SLC9B2: variants seen among roughly 807,000 people sequenced by gnomAD.
SLC9B2 encodes solute carrier family 9 member B2.
SLC9B2 carries 39 observed loss-of-function variants against 52.2 expected under a neutral mutation model. That is an observed-to-expected ratio of 0.75 (90% CI 0.58 to 0.98). The LOEUF (loss-of-function observed/expected upper bound fraction) is 0.98. Ranked by LOEUF, SLC9B2 falls within the 50% of genes least tolerant of loss-of-function variation. The probability of loss-of-function intolerance (pLI) is 0.00; values close to 1 mark genes in which losing one functional copy is unlikely to be tolerated. For missense variants in SLC9B2, 626 were observed against 637.5 expected (o/e 0.98, Z 0.19); for synonymous variants, 214 against 227.0 (o/e 0.94, Z 0.51).
intron 4 of SLC9B2, among the ~76,000 whole-genome samples, chr4:103,055,030 C>CATTTCCTTA (rs1230637022): frequency 6.6e-5 from 10 of 152,108 alleles, no homozygotes; most frequent in Non-Finnish European, 1.2e-4. Context: ...AAATGTGGCA[C>CATTTCCTTA]ATATACACCA....
At chr4:103,020,352 T>TG, downstream of SLC9B2, 1 of 450,872 alleles carries the variant, frequency 2.2e-6, no homozygotes, top group Non-Finnish European at 4.4e-6. Context: ...GCTTTGGCCT[T>TG]TCAGTCCCAA....
chr4:103,039,007 T>C (rs1743403423), intron 9 of SLC9B2, among the ~76,000 whole-genome samples: 1 of 152,234 alleles, frequency 6.6e-6, no homozygotes, highest in Admixed American at 6.5e-5. Flanking sequence ...AACAACAATA[T>C]TGCTACAGCC....
At chr4:103,059,064 C>T (rs1745404709) in intron 3 of SLC9B2, among the ~76,000 whole-genome samples, 1 of 148,222 alleles carries the variant, frequency 6.7e-6, no homozygotes, top group South Asian at 2.1e-4. Context: ...GATACCCTGC[C>T]AAAAAAAAAG....
chr4:103,058,356 GT>G (rs1423877999), intron 3 of SLC9B2, among the ~76,000 whole-genome samples: 1 of 151,936 alleles, frequency 6.6e-6, no homozygotes, highest in African/African-American at 2.4e-5. Flanking sequence ...ACCTACTAAG[GT>G]ACCTTTTTTG....
Position 103,050,325 on chromosome 4 carries a change from T to C in SLC9B2, c.500A>G (p.Gln167Arg), listed in dbSNP as rs116804485. 334 of 1,610,586 alleles carry C rather than the reference T, an allele frequency of 2.1e-4. 3 individuals are homozygous for C. The African/African-American group carries it at 3.4e-3, about 16-fold the overall frequency. ...AGAGGAAGACCACTTGTGCTTGATC[T>C]GCACATTATCGTTGATGACTGGGAT... The part of the protein sequence containing the change: ...RNIPVINDNV[Q>R]IKHKWSSSLR... Residue 167 changes from glutamine to arginine, a missense_variant, in exon 5 of 12, where the codon CAG becomes CGG. Coordinates refer to ENST00000394785, the MANE Select transcript of SLC9B2 (RefSeq NM_178833.7).
chr4:103,057,723 T>G, intron 4 of SLC9B2, 78 bp downstream of exon 4: 5 of 1,474,064 alleles, frequency 3.4e-6, no homozygotes, highest in Non-Finnish European at 4.6e-6. Context: ...TTTATTCCTT[T>G]ATTTCCCAAA....
At chr4:103,032,806 A>C (rs1742817518) in intron 9 of SLC9B2, among the ~76,000 whole-genome samples, 1 of 152,090 alleles carries the variant, frequency 6.6e-6, no homozygotes, top group Admixed American at 6.6e-5. Flanking sequence ...GCAAATTGGG[A>C]GGGTAGATTT....
intron 7 of SLC9B2, among the ~76,000 whole-genome samples, chr4:103,045,880 G>A (rs1357134358): frequency 6.6e-6 from 1 of 152,120 alleles, no homozygotes; most frequent in Non-Finnish European, 1.5e-5. Context: ...GTGATGGTAA[G>A]GCTGAGAACA....
chr4:103,026,704 A>G, intron 11 of SLC9B2, 113 bp from the exon 12 acceptor site: 2 of 946,520 alleles, frequency 2.1e-6, no homozygotes, highest in Non-Finnish European at 3.1e-6. Context: ...TCAACTAAGA[A>G]AGTTGTAAGC....
intron 4 of SLC9B2, among the ~76,000 whole-genome samples, chr4:103,051,051 G>A (rs1232139105): frequency 1.3e-5 from 2 of 152,170 alleles, no homozygotes; most frequent in Non-Finnish European, 2.9e-5. Flanking sequence ...ATGAAGGCAT[G>A]AGGGGGATGT....
chr4:103,027,901 A>G (rs1430925819), intron 11 of SLC9B2, among the ~76,000 whole-genome samples: 1 of 152,188 alleles, frequency 6.6e-6, no homozygotes, highest in Non-Finnish European at 1.5e-5. Context: ...AAAGCCTCCT[A>G]AATGAAAAAC....
At chr4:103,043,876 C>T (rs901799169) in intron 8 of SLC9B2, among the ~76,000 whole-genome samples, 10 of 152,148 alleles carry the variant, frequency 6.6e-5, no homozygotes, top group African/African-American at 2.4e-4. Flanking sequence ...ATATATATCT[C>T]TATTATTTTC....
At chr4:103,028,606 G>T in intron 11 of SLC9B2, 141 bp downstream of exon 11, 2 of 1,060,432 alleles carry the variant, frequency 1.9e-6, no homozygotes, top group Non-Finnish European at 2.6e-6. Flanking sequence ...AGGTTTTAAA[G>T]AATAGATTAG....
rs150402308 is a variant in SLC9B2, at chr4:103,029,827, G to A, written c.1256-944C>T. Among the ~76,000 whole-genome samples, 20 of 152,208 alleles carry A rather than the reference G, an allele frequency of 1.3e-4. No individual in the cohort carries two copies. The South Asian group carries it at 3.1e-3, about 24-fold the overall frequency. ...TTATTTTACTTAGTCCTTACAACCC[G>A]TGGAGTAAGTATTATTTTATAGTTG... On this transcript the variant is annotated intron_variant, in intron 10 of 11. Coordinates refer to ENST00000394785, the MANE Select transcript of SLC9B2 (RefSeq NM_178833.7).
chr4:103,076,161 T>G (rs1418101510), intron 1 of SLC9B2, 23 bp downstream of exon 1: 3 of 152,322 alleles, frequency 2.0e-5, no homozygotes, highest in Non-Finnish European at 2.9e-5. Context: ...ATTTTTACCC[T>G]TAGTGTCTCT....
At chr4:103,051,059 T>G (rs1444404004) in intron 4 of SLC9B2, among the ~76,000 whole-genome samples, 1 of 151,944 alleles carries the variant, frequency 6.6e-6, no homozygotes, top group East Asian at 1.9e-4. Flanking sequence ...ATGAGGGGGA[T>G]GTTACATGAG....
chr4:103,074,943 A>C (rs1746978908), intron 1 of SLC9B2, among the ~76,000 whole-genome samples: 2 of 152,218 alleles, frequency 1.3e-5, no homozygotes, highest in South Asian at 4.1e-4. Flanking sequence ...TCATTCAACA[A>C]ACAAGAGCTA....
rs1450270552 is a variant in SLC9B2, at chr4:103,067,503, G to T, written c.48C>A (p.Ser16=). The change falls in exon 2 of 12, where the codon TCC becomes TCA. Residue 16 remains serine, a synonymous_variant. Transcript: ENST00000394785. The part of the protein sequence containing the change: ...KRITYEDSEP[S]TGMNYTPSMH... ...TGGAGGGCGTGTAATTCATTCCTGT[G>T]GATGGTTCTGAATCTTCATATGTAA... 1 of 1,613,314 alleles carries T rather than the reference G, an allele frequency of 6.2e-7. No individual in the cohort carries two copies. The highest frequency in any genetic ancestry group is 8.5e-7 in the Non-Finnish European group (1 of 1,179,468).
intron 3 of SLC9B2, among the ~76,000 whole-genome samples, chr4:103,060,337 C>A (rs1472248906): frequency 1.3e-5 from 2 of 151,184 alleles, no homozygotes; most frequent in Admixed American, 1.3e-4. Flanking sequence ...TTTTTAATTT[C>A]AATTACTATC....
Sources: allele counts gnomAD v4.1 joint callset (sites outside exome capture counted in the v4.1 genomes callset), GRCh38; gene constraint gnomAD v4.1.1; transcripts MANE v1.5; gene names NCBI Gene and HGNC (gene_info 2026-07-23, HGNC 2026-07-21).